Variants in SEMA6D observed in about 807,000 individuals in gnomAD.
SEMA6D encodes semaphorin-6D.
Under a neutral mutation model 106.6 loss-of-function variants are expected in SEMA6D, and 35 were observed. That is an observed-to-expected ratio of 0.33 (90% CI 0.25 to 0.44). The LOEUF (loss-of-function observed/expected upper bound fraction) is 0.44. Among genes scored for constraint, SEMA6D ranks in the 20% least tolerant of loss-of-function variants. The pLI is 1.00. For synonymous variants in SEMA6D, 499 were observed against 487.7 expected, an observed-to-expected ratio of 1.02 and a Z score of -0.31; for missense variants, 1,185 against 1,345.9, an observed-to-expected ratio of 0.88 and a Z score of 1.87.
intron 3 of SEMA6D, among the ~76,000 whole-genome samples, chr15:47,570,371 T>C (rs1049930895): frequency 1.3e-5 from 2 of 152,226 alleles, no homozygotes; most frequent in African/African-American, 2.4e-5. Flanking sequence ...AATCTTATAA[T>C]CATCTTGTGA....
In SEMA6D at chr15:47,761,372, G is replaced by A. The variant is rs1228457145; in HGVS notation, c.388G>A (p.Asp130Asn). The A allele has an allele frequency of 3.1e-6, 5 of 1,613,274 alleles. No individual in the cohort carries two copies. Among genetic ancestry groups the A allele is most frequent in the Middle Eastern group, 1.6e-4 (1 of 6,074 alleles). ...NFIKVFVPRN[D>N]EMVFVCGTNA... Reference sequence around the variant, plus strand: ...TATCAAAGTATTTGTTCCAAGAAACGATGAGATGGTTTTTGTTTGTGGTAC... The same window carrying A: ...TATCAAAGTATTTGTTCCAAGAAACAATGAGATGGTTTTTGTTTGTGGTAC... The change falls in exon 6 of 19, where the codon GAT becomes AAT. Residue 130 changes from aspartate to asparagine, a missense_variant. Physicochemically the swap from Asp to Asn is conservative, Grantham distance 23 (BLOSUM62 1). Transcript: ENST00000536845.
intron 1 of SEMA6D, among the ~76,000 whole-genome samples, chr15:47,744,402 A>G (rs1286911450): frequency 6.6e-6 from 1 of 152,190 alleles, no homozygotes; most frequent in East Asian, 1.9e-4. Flanking sequence ...AAACCTAGAC[A>G]GAGGTCCTGA....
At chr15:47,434,441 TA>T (rs760655347) in intron 2 of SEMA6D, among the ~76,000 whole-genome samples, 4 of 152,122 alleles carry the variant, frequency 2.6e-5, no homozygotes, top group Admixed American at 6.6e-5. Flanking sequence ...TCAAAGCAGA[TA>T]TTTTTTTTCT....
intron 3 of SEMA6D, among the ~76,000 whole-genome samples, chr15:47,489,331 C>G (rs909886291): frequency 1.3e-5 from 2 of 152,200 alleles, no homozygotes; most frequent in Non-Finnish European, 2.9e-5. Context: ...GAATAAATTT[C>G]TGTTGTTTTA....
chr15:47,721,271 A>G (rs943347380), intron 1 of SEMA6D, among the ~76,000 whole-genome samples: 1 of 152,244 alleles, frequency 6.6e-6, no homozygotes, highest in African/African-American at 2.4e-5. Flanking sequence ...TCCATACCAG[A>G]TATTTGCAGT....
rs914892506 is a variant in SEMA6D at position 47,428,094 on chromosome 15, A to G, written c.-159+15622A>G. Among the ~76,000 whole-genome samples the G allele has an allele frequency of 3.3e-5, 5 of 152,130 alleles. No homozygotes were observed. The South Asian group carries it at 6.2e-4, about 19-fold the overall frequency. ...ATCTATGCTTAAAAAATGTAAAAAA[A>G]GAGAGAAGAAGCTGAACATTATTAA... On this transcript the variant is annotated intron_variant, in intron 2 of 19. Coordinates refer to the SEMA6D transcript ENST00000558014.
intron 4 of SEMA6D, among the ~76,000 whole-genome samples, chr15:47,638,716 A>C (rs1312658836): frequency 2.0e-5 from 3 of 152,236 alleles, no homozygotes; most frequent in Admixed American, 1.3e-4. Context: ...GGATTGGCAC[A>C]TGACACCAAG....
At chr15:47,374,391 T>G (rs2039379960) in intron 1 of SEMA6D, among the ~76,000 whole-genome samples, 3 of 152,080 alleles carry the variant, frequency 2.0e-5, no homozygotes, top group Admixed American at 2.0e-4. Context: ...ATTGTCAAGG[T>G]GAGGGCTGAA....
intron 1 of SEMA6D, among the ~76,000 whole-genome samples, chr15:47,217,688 T>A: frequency 6.6e-6 from 1 of 152,056 alleles, no homozygotes; most frequent in East Asian, 1.9e-4. Context: ...GCTTTCATTT[T>A]ACACCTTCCT....
chr15:47,445,519 A>T (rs1441337534), intron 2 of SEMA6D, among the ~76,000 whole-genome samples: 1 of 151,942 alleles, frequency 6.6e-6, no homozygotes, highest in Non-Finnish European at 1.5e-5. Flanking sequence ...CCATACCTAC[A>T]TCTGTTTCAC....
chr15:47,394,884 T>C (rs1285108158), intron 1 of SEMA6D, among the ~76,000 whole-genome samples: 1 of 152,160 alleles, frequency 6.6e-6, no homozygotes, highest in Non-Finnish European at 1.5e-5. Flanking sequence ...TTATGTGAAG[T>C]GGCAACCTAT....
At chr15:47,423,903 T>C (rs1404203895) in intron 2 of SEMA6D, among the ~76,000 whole-genome samples, 4 of 152,200 alleles carry the variant, frequency 2.6e-5, no homozygotes, top group African/African-American at 9.6e-5. Flanking sequence ...AATACTAAAA[T>C]CATTTAAAGA....
At chr15:47,547,338 T>G (rs1392759966) in intron 3 of SEMA6D, among the ~76,000 whole-genome samples, 1 of 152,206 alleles carries the variant, frequency 6.6e-6, no homozygotes, top group East Asian at 1.9e-4. Flanking sequence ...ACAGGAAAAT[T>G]GTTGTGAGGC....
rs149223146 is a variant in SEMA6D, at chr15:47,313,478, A to G, written c.-238-98915A>G. Among the ~76,000 whole-genome samples the G allele has an allele frequency of 3.7e-3, 564 of 152,254 alleles. 4 individuals carry two copies. Among genetic ancestry groups the G allele is most frequent in the Middle Eastern group, 6.8e-3 (2 of 294 alleles). On this transcript the variant is annotated intron_variant, in intron 1 of 19. Transcript: ENST00000558014. ...ATTTTTTAGTGCTGAATATTATTCTATTATTTGGATATACTATAGTTTATG... is the reference window on the plus strand; with the variant it reads ...ATTTTTTAGTGCTGAATATTATTCTGTTATTTGGATATACTATAGTTTATG...
intron 1 of SEMA6D, among the ~76,000 whole-genome samples, chr15:47,337,739 C>CA (rs908153990): frequency 1.4e-4 from 22 of 152,244 alleles, no homozygotes; most frequent in Admixed American, 5.2e-4. Flanking sequence ...AGTGTGCTCA[C>CA]ACTCAGCGTG....
intron 1 of SEMA6D, among the ~76,000 whole-genome samples, chr15:47,754,094 C>T (rs529512194): frequency 6.6e-6 from 1 of 152,172 alleles, no homozygotes; most frequent in South Asian, 2.1e-4. Context: ...ATGCTATAAC[C>T]ATAACAAGAA....
chr15:47,572,439 A>G (rs1385281992), intron 3 of SEMA6D, among the ~76,000 whole-genome samples: 2 of 152,210 alleles, frequency 1.3e-5, no homozygotes, highest in Non-Finnish European at 2.9e-5. Flanking sequence ...TTTGAAACAA[A>G]GTGTTTTATT....
At chr15:47,415,726 G>A (rs1326955518) in intron 2 of SEMA6D, among the ~76,000 whole-genome samples, 1 of 152,154 alleles carries the variant, frequency 6.6e-6, no homozygotes, top group East Asian at 1.9e-4. Flanking sequence ...ATCAATATGA[G>A]TTGGGGGTGG....
chr15:47,354,131 A>T (rs566682880), intron 1 of SEMA6D, among the ~76,000 whole-genome samples: 2 of 150,212 alleles, frequency 1.3e-5, no homozygotes, highest in Admixed American at 6.7e-5. Flanking sequence ...GAGAGTGTGT[A>T]TATATATATG....
Sources: allele counts gnomAD v4.1 joint callset (sites outside exome capture counted in the v4.1 genomes callset), GRCh38; gene constraint gnomAD v4.1.1; transcripts MANE v1.5; gene names NCBI Gene and HGNC (gene_info 2026-07-23, HGNC 2026-07-21).